DCUN1D3: variants seen among roughly 807,000 people sequenced by gnomAD.
The protein encoded by DCUN1D3 is defective in cullin neddylation 1 domain containing 3.
DCUN1D3 carries 6 observed loss-of-function variants against 24.8 expected under a neutral mutation model. That is an observed-to-expected ratio of 0.24 (90% CI 0.13 to 0.48). The LOEUF is 0.48. Among genes scored for constraint, DCUN1D3 ranks in the 20% least tolerant of loss-of-function variants. The pLI is 0.99. For missense variants in DCUN1D3, 258 were observed against 379.4 expected, an observed-to-expected ratio of 0.68 and a Z score of 2.66; for synonymous variants, 120 against 144.9, an observed-to-expected ratio of 0.83 and a Z score of 1.24.
intron 1 of DCUN1D3, among the ~76,000 whole-genome samples, chr16:20,865,351 T>A (rs1259486647): frequency 6.6e-6 from 1 of 152,202 alleles, no homozygotes; most frequent in East Asian, 1.9e-4. Context: ...CATGGTGGTT[T>A]ATTAATTATT....
chr16:20,896,688 A>G (rs1280748093), intron 1 of DCUN1D3, among the ~76,000 whole-genome samples: 1 of 152,252 alleles, frequency 6.6e-6, no homozygotes, highest in Non-Finnish European at 1.5e-5. Context: ...CCCATCAGAT[A>G]GAGCATTTTA....
intron 1 of DCUN1D3, among the ~76,000 whole-genome samples, chr16:20,889,194 C>A (rs2081880559): frequency 7.1e-6 from 1 of 141,596 alleles, no homozygotes; most frequent in Admixed American, 7.5e-5. Flanking sequence ...CACTGCACTC[C>A]AGCCTAGGTG....
chr16:20,867,362 C>G (rs889802097), intron 1 of DCUN1D3, among the ~76,000 whole-genome samples: 3 of 152,264 alleles, frequency 2.0e-5, no homozygotes, highest in African/African-American at 7.2e-5. Flanking sequence ...GCTCGGTGCT[C>G]AAGAAGGATC....
At chr16:20,897,279 C>T (rs534717159) in intron 1 of DCUN1D3, among the ~76,000 whole-genome samples, 1 of 152,324 alleles carries the variant, frequency 6.6e-6, no homozygotes, top group East Asian at 1.9e-4. Flanking sequence ...TTGGGCCTCT[C>T]AAGTGGACGG....
chr16:20,898,405 AC>A (rs1343771841), intron 1 of DCUN1D3, among the ~76,000 whole-genome samples: 2 of 152,306 alleles, frequency 1.3e-5, no homozygotes, highest in East Asian at 3.9e-4. Context: ...GAAAGGGTGA[AC>A]CTTTTGCTTG....
chr16:20,881,592 AAAC>A (rs1480549296), intron 1 of DCUN1D3, among the ~76,000 whole-genome samples: 1 of 152,168 alleles, frequency 6.6e-6, no homozygotes, highest in Admixed American at 6.5e-5. Context: ...ATTGTGCCTG[AAAC>A]AACGTTAGGC....
intron 1 of DCUN1D3, among the ~76,000 whole-genome samples, chr16:20,863,620 C>T (rs1367628420): frequency 6.6e-6 from 1 of 152,066 alleles, no homozygotes; most frequent in African/African-American, 2.4e-5. Flanking sequence ...GTGATGCACA[C>T]CTGTACTCCC....
In DCUN1D3 at chr16:20,861,279, A is replaced by G. The variant is rs189898116; in HGVS notation, c.431+829T>C. On this transcript the variant is annotated intron_variant, in intron 2 of 2. Coordinates refer to ENST00000324344, the MANE Select transcript of DCUN1D3 (RefSeq NM_173475.4). ...TATCCCCTCCCCAGAGGCACTTACT[A>G]TATTGGTACTCACAGTGCAAGTGGC... 5.4e-4 allele frequency among the ~76,000 whole-genome samples: 82 copies of G among 152,092 alleles called. 1 individual carries two copies. The East Asian group carries it at 0.011, about 21-fold the overall frequency.
At chr16:20,893,386 T>G (rs1294326522) in intron 1 of DCUN1D3, among the ~76,000 whole-genome samples, 1 of 152,178 alleles carries the variant, frequency 6.6e-6, no homozygotes, top group East Asian at 1.9e-4. Flanking sequence ...TTGCCCAGAC[T>G]GGTCTCAAAC....
chr16:20,859,560 C>CAAAAAAAAAAAA lies in DCUN1D3; in HGVS notation c.*325_*326insTTTTTTTTTTTT. 1 of 85,928 alleles carries CAAAAAAAAAAAA rather than the reference C, an allele frequency of 1.2e-5. No homozygotes were observed. Among genetic ancestry groups the CAAAAAAAAAAAA allele is most frequent in the African/African-American group, 4.8e-5 (1 of 20,960 alleles). 5.3% of individuals were successfully genotyped at this position (85,928 alleles called of 1,614,324 possible). Reference sequence around the variant, plus strand: ...CCTACCAAAAAAAAAAAAAAAAAAACAAAAAAAAACAAAAAAAAAACCTAA... The same window carrying CAAAAAAAAAAAA: ...CCTACCAAAAAAAAAAAAAAAAAAACAAAAAAAAAAAAAAAAAAAAACAAAAAAAAAACCTAA... On this transcript the variant is annotated 3_prime_UTR_variant, in exon 3 of 3. Transcript: ENST00000324344.
At chr16:20,897,519 G>T (rs1211730921) in intron 1 of DCUN1D3, among the ~76,000 whole-genome samples, 1 of 152,124 alleles carries the variant, frequency 6.6e-6, no homozygotes, top group Non-Finnish European at 1.5e-5. Context: ...GACAAGAGTG[G>T]AACTATTGCA....
chr16:20,890,922 T>A (rs998791591), intron 1 of DCUN1D3, among the ~76,000 whole-genome samples: 1 of 151,980 alleles, frequency 6.6e-6, no homozygotes, highest in Non-Finnish European at 1.5e-5. Flanking sequence ...AATTTTTTTT[T>A]TTTTTTTTAA....
chr16:20,898,289 A>G (rs1174938371), intron 1 of DCUN1D3, among the ~76,000 whole-genome samples: 1 of 152,216 alleles, frequency 6.6e-6, no homozygotes, highest in African/African-American at 2.4e-5. Context: ...AGACACTTTC[A>G]ATCACATCAC....
chr16:20,878,761 C>T (rs2081828360), intron 1 of DCUN1D3, among the ~76,000 whole-genome samples: 1 of 152,216 alleles, frequency 6.6e-6, no homozygotes, highest in African/African-American at 2.4e-5. Context: ...TGACTTTTAA[C>T]TTGGAGGGCT....
chr16:20,898,187 T>C (rs987015148), intron 1 of DCUN1D3, among the ~76,000 whole-genome samples: 3 of 152,212 alleles, frequency 2.0e-5, no homozygotes, highest in Non-Finnish European at 2.9e-5. Context: ...ATCTTCCCCT[T>C]TTCTTTGGAT....
intron 1 of DCUN1D3, among the ~76,000 whole-genome samples, chr16:20,885,411 G>T (rs1486157089): frequency 6.6e-6 from 1 of 151,978 alleles, no homozygotes; most frequent in African/African-American, 2.4e-5. Flanking sequence ...AGCTATACCA[G>T]ATCCATGGCC....
chr16:20,898,755 T>C (rs2081933830), intron 1 of DCUN1D3, among the ~76,000 whole-genome samples: 2 of 152,340 alleles, frequency 1.3e-5, no homozygotes, highest in East Asian at 1.9e-4. Context: ...TCCGAAAATG[T>C]AGGCACTATC....
At chr16:20,879,456 T>C (rs1052364367) in intron 1 of DCUN1D3, among the ~76,000 whole-genome samples, 1 of 152,196 alleles carries the variant, frequency 6.6e-6, no homozygotes, top group Admixed American at 6.5e-5. Context: ...GAGGAAATGT[T>C]TGAAACCCTG....
intron 1 of DCUN1D3, among the ~76,000 whole-genome samples, chr16:20,886,950 C>T (rs1006703625): frequency 2.6e-5 from 4 of 152,198 alleles, no homozygotes; most frequent in Non-Finnish European, 4.4e-5. Flanking sequence ...TAGTATCATC[C>T]TAAGCACTAT....
Sources: gnomAD v4.1 joint callset for allele counts (sites outside exome capture counted in the v4.1 genomes callset) on GRCh38, gnomAD v4.1.1 for gene constraint, MANE v1.5 for transcripts, NCBI Gene and HGNC (gene_info 2026-07-23, HGNC 2026-07-21) for gene names.